Variants in ATF3 observed in about 807,000 individuals in gnomAD.
ATF3 encodes the protein cyclic AMP-dependent transcription factor ATF-3.
A neutral mutation model predicts 18.4 loss-of-function variants in ATF3; 10 were observed. The ratio of observed to expected loss-of-function variants is 0.54; its 90% confidence interval spans 0.34 to 0.92. ATF3 has a LOEUF of 0.92. Among genes scored for constraint, ATF3 ranks in the 40% least tolerant of loss-of-function variants. ATF3 has a pLI of 0.02. For synonymous variants in ATF3, 78 were observed against 87.9 expected (o/e 0.89, Z 0.63); for missense variants, 183 against 222.3 (o/e 0.82, Z 1.12).
At chr1:212,615,428 C>T (rs936708970) in intron 2 of ATF3, among the ~76,000 whole-genome samples, 167 bp downstream of exon 2, 6 of 151,990 alleles carry the variant, frequency 3.9e-5, no homozygotes, top group African/African-American at 1.2e-4. Flanking sequence ...ACATAACATA[C>T]GTAAGTACAC....
intron 2 of ATF3, among the ~76,000 whole-genome samples, chr1:212,617,373 G>C (rs1490096725): frequency 6.6e-6 from 1 of 152,266 alleles, no homozygotes; most frequent in African/African-American, 2.4e-5. Flanking sequence ...AGTGGCTTAA[G>C]GATGTCAGAG....
At chr1:212,598,118 A>C (rs965189926) in intron 1 of ATF3, among the ~76,000 whole-genome samples, 3 of 152,234 alleles carry the variant, frequency 2.0e-5, no homozygotes, top group African/African-American at 7.2e-5. Flanking sequence ...ACACATCCGC[A>C]CTATAGAACA....
Position 212,618,247 on chromosome 1 carries a change from T to C in ATF3, c.348+13T>C. On this transcript the variant is annotated intron_variant, in intron 3 of 3. Transcript: ENST00000341491. The surrounding 1 kb of genome is among the most constrained non-coding windows in gnomAD (Gnocchi z 4.4). ...GTGCCTGCAGAAAGTGAGTGCCTTC[T>C]AGCCTTACCCTTCCTCTCGCTCACG... The C allele has an allele frequency of 6.2e-7, 1 of 1,612,904 alleles. No individual in the cohort carries two copies. Among genetic ancestry groups the C allele is most frequent in the Non-Finnish European group, 8.5e-7 (1 of 1,178,900 alleles).
At chr1:212,587,771 C>G (rs1009648758) in intron 1 of ATF3, among the ~76,000 whole-genome samples, 2 of 152,172 alleles carry the variant, frequency 1.3e-5, no homozygotes, top group African/African-American at 4.8e-5. Context: ...CCCAAGTATC[C>G]TGCAAATAAC....
intron 1 of ATF3, among the ~76,000 whole-genome samples, chr1:212,575,552 T>C (rs1428623068): frequency 6.6e-6 from 1 of 152,152 alleles, no homozygotes; most frequent in Admixed American, 6.5e-5. Flanking sequence ...AGTATAATGC[T>C]GAATAGAGGC....
chr1:212,566,930 C>T (rs1571751689), intron 1 of ATF3, among the ~76,000 whole-genome samples: 2 of 152,232 alleles, frequency 1.3e-5, no homozygotes, highest in South Asian at 2.1e-4. Flanking sequence ...TGACCTGTCT[C>T]GAGCCATCTC....
intron 2 of ATF3, among the ~76,000 whole-genome samples, chr1:212,617,617 T>G (rs3123544): frequency 2.6e-5 from 4 of 151,912 alleles, no homozygotes; most frequent in African/African-American, 9.7e-5. Flanking sequence ...TTCTCCCAAA[T>G]TTGGGAAGCT....
At chr1:212,592,013 A>G (rs1664896302) in intron 1 of ATF3, among the ~76,000 whole-genome samples, 1 of 152,170 alleles carries the variant, frequency 6.6e-6, no homozygotes, top group Admixed American at 6.5e-5. Flanking sequence ...ATAACATAAA[A>G]TGTTCTATTT....
At chr1:212,591,991 G>T (rs925028367) in intron 1 of ATF3, among the ~76,000 whole-genome samples, 2 of 152,008 alleles carry the variant, frequency 1.3e-5, no homozygotes. Context: ...TTAAAATTGC[G>T]GTACAAAGTA....
At chr1:212,605,602 C>T (rs1053504639), upstream of ATF3, among the ~76,000 whole-genome samples, 1 of 152,230 alleles carries the variant, frequency 6.6e-6, no homozygotes, top group African/African-American at 2.4e-5. Flanking sequence ...TAAGAAACTG[C>T]TAGAACCTTT....
chr1:212,583,836 A>T (rs947479707), intron 1 of ATF3, among the ~76,000 whole-genome samples: 24 of 152,188 alleles, frequency 1.6e-4, no homozygotes, highest in African/African-American at 5.8e-4. Context: ...TCCTTTTTTT[A>T]AAATGGGAAT....
chr1:212,617,946 C>CGT (rs3839030), intron 2 of ATF3, among the ~76,000 whole-genome samples, 181 bp from the exon 3 acceptor site: 41 of 150,230 alleles, frequency 2.7e-4, no homozygotes, highest in East Asian at 1.8e-3. Flanking sequence ...TGTGTGTGTG[C>CGT]GTGTGTGTGT....
At position 212,586,069 on chromosome 1, in the gene ATF3, G is replaced by A. The variant is rs557487145; in HGVS notation, c.-5+20586G>A. On this transcript the variant is annotated intron_variant, in intron 1 of 3. Coordinates refer to the ATF3 transcript ENST00000366981. ...CCTCTGGGGTCCTGCCCGTGGGCAG[G>A]GGAGGTCCTGGCTCCTTTTTTTGCA... 3.9e-5 allele frequency among the ~76,000 whole-genome samples: 6 copies of A among 152,278 alleles called. 1 individual carries two copies. Among genetic ancestry groups the A allele is most frequent in the African/African-American group, 1.4e-4 (6 of 41,556 alleles).
intron 1 of ATF3, among the ~76,000 whole-genome samples, chr1:212,570,202 A>C (rs926441270): frequency 3.2e-4 from 48 of 152,304 alleles, no homozygotes; most frequent in African/African-American, 1.1e-3. Flanking sequence ...TTATATTTAT[A>C]TATTTTTGGC....
At chr1:212,585,139 A>G in intron 1 of ATF3, among the ~76,000 whole-genome samples, 1 of 152,168 alleles carries the variant, frequency 6.6e-6, no homozygotes, top group South Asian at 2.1e-4. Context: ...ATAGTGAGGC[A>G]GATCCACAGG....
chr1:212,597,909 C>T (rs1331911019), intron 1 of ATF3, among the ~76,000 whole-genome samples: 1 of 152,208 alleles, frequency 6.6e-6, no homozygotes, highest in African/African-American at 2.4e-5. Context: ...GATTCCATCT[C>T]AGCCCCTGGC....
upstream of ATF3, among the ~76,000 whole-genome samples, chr1:212,607,068 C>T (rs935575382): frequency 3.9e-5 from 6 of 152,220 alleles, no homozygotes; most frequent in African/African-American, 1.4e-4. Flanking sequence ...TCCAGGGCTC[C>T]CGGGTCCGCC....
At chr1:212,591,030 C>T (rs560774697) in intron 1 of ATF3, among the ~76,000 whole-genome samples, 3 of 152,342 alleles carry the variant, frequency 2.0e-5, no homozygotes, top group South Asian at 4.1e-4. Context: ...CACACAAGAC[C>T]GTCCACCATC....
At chr1:212,581,270 G>C (rs1032944535) in intron 1 of ATF3, among the ~76,000 whole-genome samples, 3 of 152,216 alleles carry the variant, frequency 2.0e-5, no homozygotes, top group African/African-American at 7.2e-5. Flanking sequence ...TTGGTCTTGT[G>C]TCTCAGTGGG....
Sources: gnomAD v4.1 joint callset for allele counts (sites outside exome capture counted in the v4.1 genomes callset) on GRCh38, gnomAD v4.1.1 for gene constraint, Gnocchi (gnomAD v3.1) non-coding constraint, MANE v1.5 for transcripts, NCBI Gene and HGNC (gene_info 2026-07-23, HGNC 2026-07-21) for gene names.